ATPAF1: variants seen among roughly 807,000 people sequenced by gnomAD.
ATPAF1 encodes the protein homolog of yeast ATP11.
Under a neutral mutation model 43.9 loss-of-function variants are expected in ATPAF1, and 26 were observed. That is an observed-to-expected ratio of 0.59 (90% CI 0.43 to 0.82). The LOEUF (loss-of-function observed/expected upper bound fraction) is 0.82. Ranked by LOEUF, ATPAF1 falls within the 40% of genes least tolerant of loss-of-function variation. The pLI, the probability that ATPAF1 is intolerant of heterozygous loss-of-function variation, is 0.00. For missense variants in ATPAF1, 366 were observed against 435.0 expected (o/e 0.84, Z 1.41); for synonymous variants, 157 against 168.0 (o/e 0.93, Z 0.50).
At chr1:46,645,447 G>A (rs1001612050) in intron 6 of ATPAF1, among the ~76,000 whole-genome samples, 191 bp from the exon 7 acceptor site, 3 of 151,964 alleles carry the variant, frequency 2.0e-5, no homozygotes, top group African/African-American at 7.3e-5. Flanking sequence ...CCGCAGTCTT[G>A]ATCTGCTGGG....
Position 46,668,208 on chromosome 1 carries a change from C to G in ATPAF1, c.115G>C (p.Val39Leu). The change falls in exon 1 of 9, where the codon GTG becomes CTG. Residue 39 changes from valine to leucine, a missense_variant. Coordinates refer to ENST00000574428, the Ensembl canonical transcript of ATPAF1. The surrounding 1 kb of genome is among the most constrained non-coding windows in gnomAD (Gnocchi z 4.4). ...AAGACGCGCAGCTGCGCGGGTGACACGAGCCCCAGGCCCAGGGCGCGGCTG... is the reference window on the plus strand; with the variant it reads ...AAGACGCGCAGCTGCGCGGGTGACAGGAGCCCCAGGCCCAGGGCGCGGCTG... The G allele has an allele frequency of 1.4e-6, 2 of 1,385,206 alleles. No individual in the cohort carries two copies. Among genetic ancestry groups the G allele is most frequent in the East Asian group, 3.1e-5 (1 of 31,870 alleles). 85.8% of individuals were successfully genotyped at this position (1,385,206 alleles called of 1,614,324 possible).
chr1:46,645,095 C>CT, intron 7 of ATPAF1, 66 bp downstream of exon 7: 1 of 1,185,842 alleles, frequency 8.4e-7, no homozygotes, highest in Non-Finnish European at 1.2e-6. Flanking sequence ...TGAGCCTCAG[C>CT]AAGGGTTTCT....
rs1028275528 is a variant in ATPAF1, at chr1:46,665,738, C to G, written c.267-374G>C. 8.5e-6 allele frequency: 13 copies of G among 1,525,082 alleles called. No individual in the cohort carries two copies. The East Asian group carries it at 3.2e-4, about 37-fold the overall frequency. 94.5% of individuals were successfully genotyped at this position (1,525,082 alleles called of 1,614,324 possible). A position where few individuals can be genotyped will look rare whatever the true frequency, so the allele number is the denominator to read the frequency against. Reference sequence around the variant, plus strand: ...CTCCTTACTAGGTGTCAAGCTTTTACTTGAATACATCCAGTTCTTGAAAAT... The same window carrying G: ...CTCCTTACTAGGTGTCAAGCTTTTAGTTGAATACATCCAGTTCTTGAAAAT... On this transcript the variant is annotated intron_variant, in intron 1 of 8. Coordinates refer to ENST00000574428, the Ensembl canonical transcript of ATPAF1.
At chr1:46,654,613 C>T (rs975434072) in intron 4 of ATPAF1, among the ~76,000 whole-genome samples, 23 of 150,738 alleles carry the variant, frequency 1.5e-4, no homozygotes, top group African/African-American at 4.4e-4. Context: ...CATAGGTATA[C>T]GTGTGCCATG....
chr1:46,662,616 AG>A (rs1453028877), intron 2 of ATPAF1, among the ~76,000 whole-genome samples: 1 of 151,982 alleles, frequency 6.6e-6, no homozygotes, highest in Non-Finnish European at 1.5e-5. Context: ...TAGTAGATAC[AG>A]GGTTTCACCC....
chr1:46,639,893 C>T (rs981620376), intron 8 of ATPAF1, among the ~76,000 whole-genome samples: 9 of 152,150 alleles, frequency 5.9e-5, no homozygotes, highest in Admixed American at 2.6e-4. Flanking sequence ...TTTGAGACCA[C>T]CAGAGTGAGG....
In ATPAF1 at chr1:46,663,854, C is replaced by T. The variant is rs549545972; in HGVS notation, c.375+1402G>A. Reference sequence around the variant, plus strand: ...CTACCTTAATTCAGGCTTCTGCAGCCCACACCTGGATTACTCCATATTCTC... The same window carrying T: ...CTACCTTAATTCAGGCTTCTGCAGCTCACACCTGGATTACTCCATATTCTC... On this transcript the variant is annotated intron_variant, in intron 2 of 8. Transcript: ENST00000574428. The T allele has an allele frequency of 4.8e-6, 6 of 1,239,690 alleles. No individual in the cohort carries two copies. The East Asian group carries it at 2.9e-4, about 59-fold the overall frequency. 76.8% of individuals were successfully genotyped at this position (1,239,690 alleles called of 1,614,324 possible). A position where few individuals can be genotyped will look rare whatever the true frequency, so the allele number is the denominator to read the frequency against.
chr1:46,665,582 G>A, intron 1 of ATPAF1: 1 of 1,326,262 alleles, frequency 7.5e-7, no homozygotes, highest in South Asian at 1.3e-5. Context: ...AGGGGCCTGT[G>A]TAACATTTTT....
intron 7 of ATPAF1, among the ~76,000 whole-genome samples, chr1:46,644,334 C>T (rs1175632793): frequency 1.3e-5 from 2 of 152,036 alleles, no homozygotes; most frequent in Non-Finnish European, 2.9e-5. Context: ...AGGCCACTTT[C>T]TTCTATGTAA....
chr1:46,654,782 C>T (rs1676237931), intron 4 of ATPAF1, among the ~76,000 whole-genome samples: 1 of 151,922 alleles, frequency 6.6e-6, no homozygotes, highest in East Asian at 1.9e-4. Flanking sequence ...TGAGTGAGAA[C>T]ATGCGGTGTT....
At chr1:46,658,287 T>C (rs1569629000) in intron 3 of ATPAF1, 98 bp from the exon 4 acceptor site, 4 of 954,910 alleles carry the variant, frequency 4.2e-6, no homozygotes, top group African/African-American at 3.4e-5. Context: ...GTCAGGACAA[T>C]GAAACAGATT....
chr1:46,658,224 AT>A (rs775637909), intron 3 of ATPAF1, 35 bp from the exon 4 acceptor site: 3 of 1,388,960 alleles, frequency 2.2e-6, no homozygotes, highest in Admixed American at 2.1e-5. Flanking sequence ...TTAACACATA[AT>A]TAAAAAAAAA....
intron 4 of ATPAF1, among the ~76,000 whole-genome samples, chr1:46,655,736 C>T (rs974183026): frequency 6.6e-6 from 1 of 152,094 alleles, no homozygotes; most frequent in Non-Finnish European, 1.5e-5. Flanking sequence ...TACCTCTGAC[C>T]TCCCAAATTC....
chr1:46,632,792 T>C (rs1480314029), downstream of ATPAF1: 1 of 152,670 alleles, frequency 6.6e-6, no homozygotes, highest in Non-Finnish European at 1.5e-5. Flanking sequence ...GTATCTTCTA[T>C]GGTCCAGGCC....
intron 1 of ATPAF1, chr1:46,665,580 G>C: frequency 3.8e-6 from 5 of 1,302,996 alleles, no homozygotes; most frequent in Non-Finnish European, 4.3e-6. Flanking sequence ...CAAGGGGCCT[G>C]TGTAACATTT....
At chr1:46,665,193 G>A (rs1676467460) in intron 2 of ATPAF1, 63 bp downstream of exon 2, 2 of 1,522,654 alleles carry the variant, frequency 1.3e-6, no homozygotes, top group Non-Finnish European at 1.8e-6. Context: ...AAGGATAAGG[G>A]TGAGGGTAAG....
Position 46,668,143 on chromosome 1 carries a change from G to T in ATPAF1, c.180C>A (p.Ala60=). 7.1e-7 allele frequency: 1 copy of T among 1,401,280 alleles called. No individual in the cohort carries two copies. The highest frequency in any genetic ancestry group is 1.6e-5 in the South Asian group (1 of 63,784). The allele number at this position is 1,401,280 out of a possible 1,614,324, so 86.8% of individuals were successfully genotyped here. A position where few individuals can be genotyped will look rare whatever the true frequency, so the allele number is the denominator to read the frequency against. Reference sequence around the variant, plus strand: ...CCTCGGCCCCGACCCCGCTGCTGTCGGCGCCCCCCTCGGGCCGGCCCGAGC... The same window carrying T: ...CCTCGGCCCCGACCCCGCTGCTGTCTGCGCCCCCCTCGGGCCGGCCCGAGC... Residue 60 remains alanine, a synonymous_variant, in exon 1 of 9, where the codon GCC becomes GCA. Coordinates refer to ENST00000574428, the Ensembl canonical transcript of ATPAF1. The surrounding 1 kb of genome is among the most constrained non-coding windows in gnomAD (Gnocchi z 4.4).
chr1:46,640,662 A>AC (rs35776374), intron 8 of ATPAF1, among the ~76,000 whole-genome samples: 26 of 151,314 alleles, frequency 1.7e-4, no homozygotes, highest in Admixed American at 4.0e-4. Flanking sequence ...AAACAAACAA[A>AC]AAAAGAGTTT....
At chr1:46,665,230 A>C (rs1157068307) in intron 2 of ATPAF1, 26 bp downstream of exon 2, 1 of 1,610,992 alleles carries the variant, frequency 6.2e-7, no homozygotes, top group Non-Finnish European at 8.5e-7. Flanking sequence ...TGGTAAGCAA[A>C]CACCACAAAT....
Sources: allele counts gnomAD v4.1 joint callset (sites outside exome capture counted in the v4.1 genomes callset), GRCh38; gene constraint gnomAD v4.1.1; non-coding constraint Gnocchi (gnomAD v3.1); transcripts MANE v1.5; gene names NCBI Gene and HGNC (gene_info 2026-07-23, HGNC 2026-07-21).